The following LMNTD1 variants were observed in gnomAD, a reference collection of about 807,000 sequenced individuals.
The protein encoded by LMNTD1 is lamin tail domain containing 1, also known as lamin tail domain-containing protein 1.
Under a neutral mutation model 50.9 loss-of-function variants are expected in LMNTD1, and 35 were observed. The observed-to-expected ratio is 0.69, with a 90% CI of 0.53 to 0.91. LMNTD1 has a LOEUF of 0.91. LMNTD1 is among the 40% of genes least tolerant of loss of function. The probability of loss-of-function intolerance (pLI) is 0.00; values close to 1 mark genes in which losing one functional copy is unlikely to be tolerated. For missense variants in LMNTD1, 470 were observed against 475.5 expected (o/e 0.99, Z 0.11); for synonymous variants, 153 against 161.9 (o/e 0.94, Z 0.42).
intron 1 of LMNTD1, among the ~76,000 whole-genome samples, chr12:25,568,298 G>A (rs1383330869): frequency 6.6e-6 from 1 of 152,232 alleles, no homozygotes; most frequent in African/African-American, 2.4e-5. Flanking sequence ...TCAATATGTT[G>A]CCTGGCTGCT....
intron 1 of LMNTD1, among the ~76,000 whole-genome samples, chr12:25,579,763 C>T (rs942053639): frequency 2.1e-4 from 32 of 152,092 alleles, no homozygotes; most frequent in African/African-American, 7.7e-4. Context: ...TCAGTATACT[C>T]AACCAACCAC....
In LMNTD1 at chr12:25,487,493, C is replaced by T. The variant is rs533622668; in HGVS notation, c.*23-11033G>A. ...TTTGTTTTCCATTTGCTTGGTAGAT[C>T]TTCCTCCATCCTTTTATTTTGAGCA... On this transcript the variant is annotated intron_variant, in intron 9 of 9. Coordinates refer to ENST00000458174, the MANE Select transcript of LMNTD1 (RefSeq NM_001145728.2). Among the ~76,000 whole-genome samples the T allele has an allele frequency of 4.5e-3, 635 of 142,144 alleles. 6 individuals carry two copies. The highest frequency in any genetic ancestry group is 0.015 in the African/African-American group (582 of 38,050). 93.3% of individuals were successfully genotyped at this position (142,144 alleles called of 152,430 possible). A position where few individuals can be genotyped will look rare whatever the true frequency, so the allele number is the denominator to read the frequency against.
chr12:25,619,250 C>CTATATA (rs1185194793), intron 1 of LMNTD1, among the ~76,000 whole-genome samples: 54 of 79,394 alleles, frequency 6.8e-4, no homozygotes, highest in African/African-American at 2.6e-3. Context: ...CTCTCTCTCT[C>CTATATA]TCTATATATA....
chr12:25,561,181 C>A (rs1476134516), intron 1 of LMNTD1, among the ~76,000 whole-genome samples: 2 of 152,096 alleles, frequency 1.3e-5, no homozygotes, highest in African/African-American at 4.8e-5. Flanking sequence ...TTGCCTTCTG[C>A]TAGCTTTTGA....
At chr12:25,483,772 CAAA>C (rs10582917) in intron 9 of LMNTD1, among the ~76,000 whole-genome samples, 65 of 146,628 alleles carry the variant, frequency 4.4e-4, no homozygotes, top group East Asian at 8.0e-4. Context: ...CATTCCATCT[CAAA>C]AAAAAAAAAA....
chr12:25,571,809 A>G (rs577015715), intron 1 of LMNTD1, among the ~76,000 whole-genome samples: 1 of 152,266 alleles, frequency 6.6e-6, no homozygotes, highest in African/African-American at 2.4e-5. Context: ...AGTTGGGATT[A>G]CAGGTGACCA....
At chr12:25,570,561 G>A (rs376752153) in intron 1 of LMNTD1, among the ~76,000 whole-genome samples, 3 of 152,180 alleles carry the variant, frequency 2.0e-5, no homozygotes, top group African/African-American at 7.2e-5. Context: ...AGTACAAGCA[G>A]ATACAGCAAA....
intron 9 of LMNTD1, among the ~76,000 whole-genome samples, chr12:25,481,290 A>G (rs145832761): frequency 1.1e-4 from 16 of 152,040 alleles, no homozygotes; most frequent in Admixed American, 3.9e-4. Context: ...ATCTTAAAGT[A>G]TTTATTTTGT....
chr12:25,608,545 C>T (rs888278846), intron 1 of LMNTD1, among the ~76,000 whole-genome samples: 9 of 152,176 alleles, frequency 5.9e-5, no homozygotes, highest in African/African-American at 2.2e-4. Context: ...CAAAATCTCT[C>T]CGCATTTGCT....
At chr12:25,594,651 C>CAAAAAAAAAAAAAA (rs61299586) in intron 1 of LMNTD1, among the ~76,000 whole-genome samples, 41 of 69,896 alleles carry the variant, frequency 5.9e-4, no homozygotes, top group African/African-American at 8.5e-4. Flanking sequence ...AACAGAAATA[C>CAAAAAAAAAAAAAA]AAAAAAAAAA....
intron 1 of LMNTD1, among the ~76,000 whole-genome samples, chr12:25,567,743 A>G (rs1262085810): frequency 6.6e-6 from 1 of 151,956 alleles, no homozygotes. Context: ...ATCACCTTCC[A>G]CCATGATTGT....
At chr12:25,609,926 T>C (rs1010730225) in intron 1 of LMNTD1, among the ~76,000 whole-genome samples, 1 of 152,222 alleles carries the variant, frequency 6.6e-6, no homozygotes, top group African/African-American at 2.4e-5. Context: ...TTGCCTTTTT[T>C]TCAGCTATGC....
At chr12:25,627,912 A>T (rs1260364926) in intron 1 of LMNTD1, among the ~76,000 whole-genome samples, 2 of 151,792 alleles carry the variant, frequency 1.3e-5, no homozygotes, top group Admixed American at 1.3e-4. Flanking sequence ...GATCGAGACC[A>T]TCCTGGCTAA....
At chr12:25,514,987 G>A (rs1031318301) in intron 8 of LMNTD1, among the ~76,000 whole-genome samples, 1 of 152,022 alleles carries the variant, frequency 6.6e-6, no homozygotes. Flanking sequence ...ATTCTTCCTA[G>A]AGCAGTTGAG....
chr12:25,501,826 C>G (rs1268361599), intron 9 of LMNTD1, among the ~76,000 whole-genome samples: 2 of 151,334 alleles, frequency 1.3e-5, no homozygotes, highest in African/African-American at 4.8e-5. Context: ...AAGTCCGACT[C>G]AGGAGCTGAT....
intron 4 of LMNTD1, among the ~76,000 whole-genome samples, chr12:25,538,753 G>T (rs1204767764): frequency 2.0e-5 from 2 of 100,150 alleles, no homozygotes; most frequent in Admixed American, 2.2e-4. Flanking sequence ...TGGACTAAAT[G>T]CCCCAATTAA....
At chr12:25,644,453 G>A (rs1474358175) in intron 1 of LMNTD1, among the ~76,000 whole-genome samples, 1 of 151,806 alleles carries the variant, frequency 6.6e-6, no homozygotes, top group Non-Finnish European at 1.5e-5. Context: ...TTCCAGCCTG[G>A]GCAGCATAAT....
rs748502741 is a variant in LMNTD1, at chr12:25,549,456, T to G, written c.180A>C (p.Ser60=). ...AACCAAGAGGCATTCCACTGGAATT[T>G]GAAGATGACAATGGCAGTGTTGTGG... ...SVATTLPLSS[S]NSSGMPLGYY... Residue 60 remains serine, a synonymous_variant, in exon 3 of 10, where the codon TCA becomes TCC. Transcript: ENST00000458174. 5.0e-6 allele frequency: 8 copies of G among 1,613,486 alleles called. No homozygotes were observed. In the Admixed American group the frequency reaches 1.0e-4, roughly 20 times the overall value.
intron 9 of LMNTD1, among the ~76,000 whole-genome samples, chr12:25,489,552 G>C (rs933700712): frequency 6.9e-6 from 1 of 144,136 alleles, no homozygotes; most frequent in African/African-American, 2.6e-5. Flanking sequence ...AGATGAACCT[G>C]GTACCTCAGA....
Sources: allele counts gnomAD v4.1 joint callset (sites outside exome capture counted in the v4.1 genomes callset), GRCh38; gene constraint gnomAD v4.1.1; transcripts MANE v1.5; gene names NCBI Gene and HGNC (gene_info 2026-07-23, HGNC 2026-07-21).